Variants in SLC13A3 observed in about 807,000 individuals in gnomAD.
The protein encoded by SLC13A3 is solute carrier family 13 member 3.
SLC13A3 carries 40 observed loss-of-function variants against 59.0 expected under a neutral mutation model. The observed-to-expected ratio is 0.68, with a 90% CI of 0.53 to 0.88. SLC13A3 has a LOEUF of 0.88. Among genes scored for constraint, SLC13A3 ranks in the 40% least tolerant of loss-of-function variants. The pLI is 0.00. For missense variants in SLC13A3, 699 were observed against 783.2 expected (o/e 0.89, Z 1.28); for synonymous variants, 317 against 330.3 (o/e 0.96, Z 0.44).
intron 9 of SLC13A3, among the ~76,000 whole-genome samples, chr20:46,576,187 G>T (rs1465915392): frequency 6.6e-6 from 1 of 151,856 alleles, no homozygotes; most frequent in Non-Finnish European, 1.5e-5. Context: ...TCTGCAGGGG[G>T]TTAGCGAGTG....
intron 1 of SLC13A3, among the ~76,000 whole-genome samples, chr20:46,647,337 CAG>C (rs923931090): frequency 6.6e-6 from 1 of 152,106 alleles, no homozygotes; most frequent in African/African-American, 2.4e-5. Flanking sequence ...AATTTGCTCT[CAG>C]GGGGCATAAG....
Position 46,626,298 on chromosome 20 carries a change from C to T in SLC13A3, c.112-12573G>A, listed in dbSNP as rs200532980. On this transcript the variant is annotated intron_variant, in intron 1 of 12. Transcript: ENST00000279027. ...TCCCTCCTCCTCCCTTTCTCTCTCT[C>T]CTCCTCCCTCTCTCTTCTTCCTCTC... Among the ~76,000 whole-genome samples the T allele has an allele frequency of 7.2e-4, 108 of 150,480 alleles. 2 individuals are homozygous for T. In the East Asian group the frequency reaches 0.019, roughly 27 times the overall value.
intron 9 of SLC13A3, among the ~76,000 whole-genome samples, chr20:46,577,114 T>C (rs189879104): frequency 5.5e-3 from 51 of 9,272 alleles, no homozygotes; most frequent in Non-Finnish European, 7.3e-3. Flanking sequence ...GTATGCAACC[T>C]ACAGGTGTAT....
upstream of SLC13A3, among the ~76,000 whole-genome samples, chr20:46,653,632 C>T (rs1320752465): frequency 1.3e-5 from 2 of 152,198 alleles, no homozygotes; most frequent in African/African-American, 4.8e-5. Context: ...CCTCCCACAG[C>T]CTCTGGAAAC....
intron 1 of SLC13A3, among the ~76,000 whole-genome samples, chr20:46,668,032 C>T (rs2063071060): frequency 6.6e-6 from 1 of 152,188 alleles, no homozygotes; most frequent in Non-Finnish European, 1.5e-5. Context: ...GATTGCTCCA[C>T]TGACTGGCTA....
intron 1 of SLC13A3, among the ~76,000 whole-genome samples, chr20:46,649,644 C>G (rs189409883): frequency 2.0e-5 from 3 of 152,286 alleles, no homozygotes; most frequent in Admixed American, 1.3e-4. Context: ...ATCCCAGAAG[C>G]TAGCGGTGTA....
chr20:46,622,651 TGTGTGTGTGTG>T (rs1374878763), intron 1 of SLC13A3, among the ~76,000 whole-genome samples: 3 of 151,150 alleles, frequency 2.0e-5, no homozygotes, highest in Admixed American at 6.6e-5. Context: ...TGTGTGTGTG[TGTGTGTGTGTG>T]TGTGTGTCTG....
Position 46,633,468 on chromosome 20 carries a change from T to C in SLC13A3, c.111+17843A>G, listed in dbSNP as rs577793292. 4.9e-4 allele frequency among the ~76,000 whole-genome samples: 74 copies of C among 152,328 alleles called. No individual in the cohort carries two copies. The South Asian group carries it at 0.015, about 31-fold the overall frequency. On this transcript the variant is annotated intron_variant, in intron 1 of 12. Transcript: ENST00000279027. ...CCCTGTCTCCATCCGTAATTTCGGA[T>C]GCATATTAGGCCATCCTCAGAGAAT...
At chr20:46,584,266 T>A in intron 8 of SLC13A3, 1 of 984,734 alleles carries the variant, frequency 1.0e-6, no homozygotes, top group Non-Finnish European at 1.2e-6. Flanking sequence ...CAGAAACAAC[T>A]TGTTCAAGGG....
chr20:46,575,710 C>T (rs192165206), intron 9 of SLC13A3, 25 bp from the exon 10 acceptor site: 1 of 1,472,884 alleles, frequency 6.8e-7, no homozygotes, highest in East Asian at 2.4e-5. Flanking sequence ...GGATTCAGCA[C>T]ACACTCAGGG....
At chr20:46,603,525 C>T (rs1396154668) in intron 3 of SLC13A3, among the ~76,000 whole-genome samples, 1 of 151,646 alleles carries the variant, frequency 6.6e-6, no homozygotes, top group Non-Finnish European at 1.5e-5. Flanking sequence ...CAGGCATGTG[C>T]CACCATGCCC....
At chr20:46,654,882 T>C (rs910148166), upstream of SLC13A3, among the ~76,000 whole-genome samples, 11 of 152,178 alleles carry the variant, frequency 7.2e-5, no homozygotes, top group Non-Finnish European at 1.5e-4. Context: ...CAACAAATTC[T>C]CTTAGTTTTC....
chr20:46,587,361 GA>G (rs144266168), intron 8 of SLC13A3, among the ~76,000 whole-genome samples: 2,710 of 151,894 alleles, frequency 0.018, 77 homozygotes, highest in African/African-American at 0.063. Context: ...ACTGCTCACA[GA>G]AAAAAAACAA....
At chr20:46,581,145 C>G (rs1158986649) in intron 9 of SLC13A3, among the ~76,000 whole-genome samples, 1 of 152,202 alleles carries the variant, frequency 6.6e-6, no homozygotes, top group African/African-American at 2.4e-5. Flanking sequence ...GGAATTCCTT[C>G]CTGGGTGAAG....
intron 8 of SLC13A3, chr20:46,584,026 T>C: frequency 3.1e-6 from 3 of 981,376 alleles, no homozygotes; most frequent in Non-Finnish European, 3.6e-6. Context: ...GTAAGAGCCC[T>C]GTCTTTGTTC....
chr20:46,649,547 G>A (rs2062932561), intron 1 of SLC13A3, among the ~76,000 whole-genome samples: 1 of 152,096 alleles, frequency 6.6e-6, no homozygotes, highest in South Asian at 2.1e-4. Flanking sequence ...TCTGCCTATG[G>A]CCTCGCAGAC....
chr20:46,643,746 C>T (rs1328477442), intron 1 of SLC13A3, among the ~76,000 whole-genome samples: 1 of 152,148 alleles, frequency 6.6e-6, no homozygotes, highest in Non-Finnish European at 1.5e-5. Context: ...ATGTCTTTAG[C>T]ATAAAACATT....
At chr20:46,605,932 CTCA>C (rs1464772271) in intron 3 of SLC13A3, among the ~76,000 whole-genome samples, 1 of 152,184 alleles carries the variant, frequency 6.6e-6, no homozygotes, top group African/African-American at 2.4e-5. Flanking sequence ...TCACTTAGCA[CTCA>C]TGTCAGCCTA....
At position 46,583,579 on chromosome 20, in the gene SLC13A3, G is replaced by A; in HGVS notation, c.1212C>T (p.Asp404=). The part of the protein sequence containing the change: ...SQRPSLKWWF[D]FKAPNTETEP... Reference sequence around the variant, plus strand: ...CAGCCTTGACCACCTTACCTTTGAAGTCAAACCACCACTTGAGAGAGGGCC... The same window carrying A: ...CAGCCTTGACCACCTTACCTTTGAAATCAAACCACCACTTGAGAGAGGGCC... Residue 404 remains aspartate, a synonymous_variant, in exon 9 of 13, where the codon GAC becomes GAT. Transcript: ENST00000279027. 1.9e-6 allele frequency: 3 copies of A among 1,613,538 alleles called. No homozygotes were observed. The highest frequency in any genetic ancestry group is 1.7e-6 in the Non-Finnish European group (2 of 1,179,876).
Sources: gnomAD v4.1 joint callset for allele counts (sites outside exome capture counted in the v4.1 genomes callset) on GRCh38, gnomAD v4.1.1 for gene constraint, MANE v1.5 for transcripts, NCBI Gene and HGNC (gene_info 2026-07-23, HGNC 2026-07-21) for gene names.